The following MYOF variants were observed in gnomAD, a reference collection of about 807,000 sequenced individuals.
MYOF encodes fer-1-like 3, myoferlin.
A neutral mutation model predicts 284.2 loss-of-function variants in MYOF; 244 were observed. That is an observed-to-expected ratio of 0.86 (90% confidence interval 0.77 to 0.95). MYOF has a LOEUF of 0.95. Among genes scored for constraint, MYOF ranks in the 40% least tolerant of loss-of-function variants. The pLI is 0.00. For synonymous variants in MYOF, 904 were observed against 919.7 expected, an observed-to-expected ratio of 0.98 and a Z score of 0.31; for missense variants, 2,496 against 2,560.6, an observed-to-expected ratio of 0.97 and a Z score of 0.54.
rs1842107214 is a variant in MYOF, at chr10:93,306,594, T to TATCA, written c.*365_*368dup. The TATCA allele has an allele frequency of 4.6e-6, 1 of 219,694 alleles. No homozygotes were observed. The highest frequency in any genetic ancestry group is 2.3e-5 in the African/African-American group (1 of 43,090). 13.6% of individuals were successfully genotyped at this position (219,694 alleles called of 1,614,324 possible). A position where few individuals can be genotyped will look rare whatever the true frequency, so the allele number is the denominator to read the frequency against. On this transcript the variant is annotated 3_prime_UTR_variant, in exon 54 of 54. Transcript: ENST00000359263. ...TTCAGTTGATTACAAATATGAAGTA[T>TATCA]ATCACCTCAGGATGCAGAGATTTTT...
At chr10:93,374,277 C>T (rs1231550629) in intron 23 of MYOF, among the ~76,000 whole-genome samples, 2 of 152,182 alleles carry the variant, frequency 1.3e-5, no homozygotes, top group Admixed American at 1.3e-4. Flanking sequence ...GACATTTGTA[C>T]ACCCACCATC....
chr10:93,424,916 G>C lies in MYOF; in HGVS notation c.433+1155C>G, dbSNP rs368277249. 1.1e-3 allele frequency among the ~76,000 whole-genome samples: 171 copies of C among 150,124 alleles called. 1 individual carries two copies. The highest frequency in any genetic ancestry group is 3.9e-3 in the African/African-American group (159 of 41,010). ...CAACAAGTGCAGGACTTCCTCCCAG[G>C]AGGGAGAATTCCATTTTTTTTTTTT... On this transcript the variant is annotated intron_variant, in intron 5 of 53. Coordinates refer to ENST00000359263, the MANE Select transcript of MYOF (RefSeq NM_013451.4).
chr10:93,379,595 G>A (rs954968568), intron 21 of MYOF, among the ~76,000 whole-genome samples: 11 of 152,174 alleles, frequency 7.2e-5, no homozygotes, highest in Admixed American at 7.2e-4. Flanking sequence ...CTGGAGGGCA[G>A]ATGTAGTAGT....
chr10:93,356,923 T>C (rs557569228), intron 29 of MYOF, 75 bp from the exon 30 acceptor site: 4 of 1,402,780 alleles, frequency 2.9e-6, no homozygotes, highest in South Asian at 2.8e-5. Flanking sequence ...ACAGGTTATA[T>C]GATCAATCAA....
rs149808441 is a variant in MYOF, at chr10:93,475,044, C to T, written c.88+7063G>A. Among the ~76,000 whole-genome samples the T allele has an allele frequency of 2.2e-3, 331 of 152,270 alleles. 1 individual carries two copies. The highest frequency in any genetic ancestry group is 3.7e-3 in the African/African-American group (155 of 41,564). On this transcript the variant is annotated intron_variant, in intron 1 of 53. Coordinates refer to ENST00000359263, the MANE Select transcript of MYOF (RefSeq NM_013451.4). Reference sequence around the variant, plus strand: ...GATTACAGGCGTGAGCCATCATGACCGGGCTTGAAGCTGCAGATTGTATTT... The same window carrying T: ...GATTACAGGCGTGAGCCATCATGACTGGGCTTGAAGCTGCAGATTGTATTT...
At chr10:93,478,830 AAAAAAAAAAAAAAG>A (rs1210465671) in intron 1 of MYOF, among the ~76,000 whole-genome samples, 3 of 105,198 alleles carry the variant, frequency 2.9e-5, no homozygotes, top group East Asian at 2.3e-4. Flanking sequence ...AGTCTCAAAA[AAAAAAAAAAAAAAG>A]AAAGAAAGAA....
chr10:93,402,177 T>G, intron 11 of MYOF, 55 bp downstream of exon 11: 1 of 1,451,930 alleles, frequency 6.9e-7, no homozygotes, highest in Non-Finnish European at 9.7e-7. Flanking sequence ...CATGCTTAAC[T>G]CTTGGCCTTC....
chr10:93,371,370 TC>T (rs1168092031), intron 24 of MYOF, among the ~76,000 whole-genome samples: 1 of 152,172 alleles, frequency 6.6e-6, no homozygotes, highest in Non-Finnish European at 1.5e-5. Flanking sequence ...CAACTACATA[TC>T]TATGTGACGC....
intron 19 of MYOF, among the ~76,000 whole-genome samples, chr10:93,382,733 C>T (rs942853464): frequency 6.6e-6 from 1 of 152,162 alleles, no homozygotes; most frequent in Non-Finnish European, 1.5e-5. Flanking sequence ...AGGCACTGTG[C>T]CTTCTTTTAC....
chr10:93,425,810 A>C, intron 5 of MYOF: 1 of 509,570 alleles, frequency 2.0e-6, no homozygotes, highest in Non-Finnish European at 3.6e-6. Context: ...ATTCTGCTGG[A>C]GCCGGCATGT....
intron 1 of MYOF, among the ~76,000 whole-genome samples, chr10:93,481,261 C>T (rs1027730753): frequency 3.3e-5 from 5 of 152,144 alleles, no homozygotes; most frequent in Non-Finnish European, 1.5e-5. Context: ...AGTGCAGTGG[C>T]GTGATCACGG....
chr10:93,442,643 T>A (rs1307170398), intron 3 of MYOF, among the ~76,000 whole-genome samples: 1 of 152,220 alleles, frequency 6.6e-6, no homozygotes, highest in Admixed American at 6.5e-5. Context: ...TGCATTGGTG[T>A]GGAAGTATAT....
intron 43 of MYOF, among the ~76,000 whole-genome samples, chr10:93,330,713 G>A (rs552446297): frequency 6.6e-6 from 1 of 152,266 alleles, no homozygotes; most frequent in African/African-American, 2.4e-5. Flanking sequence ...GGACAGTCCC[G>A]GAGAAGGTGC....
Position 93,347,679 on chromosome 10 carries a change from C to T in MYOF, c.4187G>A (p.Arg1396His), listed in dbSNP as rs781611138. 5.6e-6 allele frequency: 9 copies of T among 1,614,056 alleles called. No individual in the cohort carries two copies. The highest frequency in any genetic ancestry group is 6.8e-6 in the Non-Finnish European group (8 of 1,180,034). ...KPVVGQCTIE[R>H]LDRFRCDPYA... Reference sequence around the variant, plus strand: ...AGGGTCACAGCGAAAGCGGTCCAGGCGCTCGATGGTGCACTGGCCGACGAC... The same window carrying T: ...AGGGTCACAGCGAAAGCGGTCCAGGTGCTCGATGGTGCACTGGCCGACGAC... Residue 1396 changes from arginine to histidine, a missense_variant, in exon 37 of 54, where the codon CGC (arginine) becomes CAC (histidine). Transcript: ENST00000359263.
At chr10:93,377,277 G>T in intron 22 of MYOF, 46 bp downstream of exon 22, 1 of 1,278,138 alleles carries the variant, frequency 7.8e-7, no homozygotes, top group Non-Finnish European at 1.1e-6. Flanking sequence ...ATTTCAGGGA[G>T]GAGCGCCTGG....
Position 93,356,740 on chromosome 10 carries a change from T to C in MYOF, c.3229A>G (p.Arg1077Gly). The change falls in exon 30 of 54, where the codon AGG becomes GGG. Residue 1077 changes from arginine (R) to glycine (G), a missense_variant. Arg to Gly is a moderately radical substitution (Grantham distance 125, BLOSUM62 -2). Coordinates refer to ENST00000359263, the MANE Select transcript of MYOF (RefSeq NM_013451.4). ...SSDTFRRRRW[R>G]RKMAPSETHG... Reference sequence around the variant, plus strand: ...GTTTCTGAAGGAGCCATTTTTCTCCTCCAGCGTCTGCGGCGGAAGGTATCT... The same window carrying C: ...GTTTCTGAAGGAGCCATTTTTCTCCCCCAGCGTCTGCGGCGGAAGGTATCT... 6.2e-7 allele frequency: 1 copy of C among 1,614,178 alleles called. No homozygotes were observed. The highest frequency in any genetic ancestry group is 8.5e-7 in the Non-Finnish European group (1 of 1,180,036).
Position 93,389,330 on chromosome 10 carries a change from A to T in MYOF, c.1457-176T>A, listed in dbSNP as rs111663892. On this transcript the variant is annotated intron_variant, in intron 17 of 53. Coordinates refer to ENST00000359263, the MANE Select transcript of MYOF (RefSeq NM_013451.4). The stretch of plus-strand genomic sequence containing the variant: ...CATATTTCTCTTTTCTTATTGCTAC[A>T]TAAAATATTAAATAAAAACATTTGG... 3.0e-4 allele frequency among the ~76,000 whole-genome samples: 46 copies of T among 152,374 alleles called. 2 individuals carry two copies. Among genetic ancestry groups the T allele is most frequent in the African/African-American group, 1.0e-3 (42 of 41,590 alleles).
intron 19 of MYOF, among the ~76,000 whole-genome samples, chr10:93,385,844 T>C (rs1218246364): frequency 3.1e-5 from 1 of 32,614 alleles, no homozygotes; most frequent in Non-Finnish European, 7.0e-5. Flanking sequence ...TATTGTTGAC[T>C]TTTTTTTTTT....
intron 3 of MYOF, among the ~76,000 whole-genome samples, chr10:93,449,463 T>A (rs551767748): frequency 7.5e-4 from 114 of 152,286 alleles, no homozygotes; most frequent in Non-Finnish European, 1.4e-3. Flanking sequence ...AGGAGGCTAG[T>A]GTGAGGCCCT....
Sources: gnomAD v4.1 joint callset for allele counts (sites outside exome capture counted in the v4.1 genomes callset) on GRCh38, gnomAD v4.1.1 for gene constraint, MANE v1.5 for transcripts, NCBI Gene and HGNC (gene_info 2026-07-23, HGNC 2026-07-21) for gene names.